The following CACYBP variants were observed in gnomAD, a reference collection of about 807,000 sequenced individuals.
CACYBP encodes the protein calcyclin-binding protein.
CACYBP carries 11 observed loss-of-function variants against 29.6 expected under a neutral mutation model. The observed-to-expected ratio is 0.37, with a 90% CI of 0.23 to 0.61. The LOEUF (loss-of-function observed/expected upper bound fraction) is 0.61, where lower values mean the gene tolerates loss of function less well. CACYBP is among the 20% of genes least tolerant of loss of function. The pLI is 0.65. For missense variants in CACYBP, 163 were observed against 260.7 expected (o/e 0.63, Z 2.58); for synonymous variants, 73 against 88.3 (o/e 0.83, Z 0.97).
At chr1:175,005,956 G>A (rs1176465754) in intron 2 of CACYBP, among the ~76,000 whole-genome samples, 3 of 152,232 alleles carry the variant, frequency 2.0e-5, no homozygotes, top group African/African-American at 7.2e-5. Context: ...GTTTGATATA[G>A]GCATGCAATG....
intron 1 of CACYBP, 163 bp downstream of exon 1, chr1:175,000,358 G>A: frequency 7.0e-7 from 1 of 1,429,714 alleles, no homozygotes. Flanking sequence ...GCCCCTTGCT[G>A]CGCCGTCGGC....
Position 175,000,017 on chromosome 1 carries a change from CG to C in CACYBP, c.-161del. Reference sequence around the variant, plus strand: ...GCGAAGGTTCGAGATCCGTCGCGTGCGGGAGGCGGGCCGCGATCTTGCGCAG... The same window carrying C: ...GCGAAGGTTCGAGATCCGTCGCGTGCGGAGGCGGGCCGCGATCTTGCGCAG... On this transcript the variant is annotated 5_prime_UTR_variant, in exon 1 of 6. Coordinates refer to ENST00000367679, the MANE Select transcript of CACYBP (RefSeq NM_014412.3). 4 of 995,954 alleles carry C rather than the reference CG, an allele frequency of 4.0e-6. No homozygotes were observed. Among genetic ancestry groups the C allele is most frequent in the Non-Finnish European group, 6.0e-6 (4 of 662,554 alleles). 61.7% of individuals were successfully genotyped at this position (995,954 alleles called of 1,614,324 possible).
chr1:175,006,717 AC>A, intron 2 of CACYBP, 27 bp from the exon 3 acceptor site: 1 of 1,164,770 alleles, frequency 8.6e-7, no homozygotes, highest in Middle Eastern at 2.8e-4. Context: ...AGGCTTACTT[AC>A]GTCCCATCTT....
chr1:175,006,903 ACT>A lies in CACYBP; in HGVS notation c.332+67_332+68del. ...ACAGTCAACATTGCCTTATCTTGAG[ACT>A]CTCTTCTTTGCAGTTTTTAAAATTC... is the stretch of plus-strand genomic sequence containing the variant. On this transcript the variant is annotated intron_variant, in intron 3 of 5. Coordinates refer to ENST00000367679, the MANE Select transcript of CACYBP (RefSeq NM_014412.3). 3 of 974,304 alleles carry A rather than the reference ACT, an allele frequency of 3.1e-6. No individual in the cohort carries two copies. The South Asian group carries it at 4.1e-5, about 13-fold the overall frequency. The allele number at this position is 974,304 out of a possible 1,614,324, so 60.4% of individuals were successfully genotyped here.
chr1:175,008,533 A>G (rs1672672011), intron 4 of CACYBP, 76 bp from the exon 5 acceptor site: 1 of 776,720 alleles, frequency 1.3e-6, no homozygotes, highest in South Asian at 1.5e-5. Context: ...TCAATTGAAT[A>G]GATAATTGTT....
chr1:175,006,691 C>G, intron 2 of CACYBP, 54 bp from the exon 3 acceptor site: 3 of 884,720 alleles, frequency 3.4e-6, no homozygotes, highest in Admixed American at 1.8e-5. Context: ...ATTTGCTGTT[C>G]TAAAGATAGT....
At chr1:175,000,542 A>T (rs2149409299) in intron 1 of CACYBP, 1 of 1,205,744 alleles carries the variant, frequency 8.3e-7, no homozygotes, top group South Asian at 2.0e-5. Context: ...AGGAAGCTTC[A>T]TTCAAGCAAA....
chr1:175,001,503 C>T (rs888550753), intron 1 of CACYBP, among the ~76,000 whole-genome samples: 2 of 152,222 alleles, frequency 1.3e-5, no homozygotes, highest in African/African-American at 4.8e-5. Context: ...CCTCCCTCAG[C>T]CCCTGACAAC....
intron 1 of CACYBP, among the ~76,000 whole-genome samples, chr1:175,001,776 C>T (rs770887971): frequency 9.2e-5 from 14 of 152,208 alleles, no homozygotes; most frequent in Admixed American, 2.6e-4. Flanking sequence ...GAGTCTCGCT[C>T]TGTCGCCCAG....
At chr1:175,002,659 A>T (rs1232601738) in intron 1 of CACYBP, among the ~76,000 whole-genome samples, 2 of 152,248 alleles carry the variant, frequency 1.3e-5, no homozygotes, top group Non-Finnish European at 2.9e-5. Flanking sequence ...CAGAAAAAGC[A>T]TCAAAGGAAT....
At chr1:175,006,167 C>T (rs555581325) in intron 2 of CACYBP, among the ~76,000 whole-genome samples, 4 of 152,198 alleles carry the variant, frequency 2.6e-5, no homozygotes, top group South Asian at 2.1e-4. Flanking sequence ...AGGTCAGAGA[C>T]GTGCTGGTAG....
Position 175,011,478 on chromosome 1 carries a change from G to A in CACYBP, c.*1399G>A, listed in dbSNP as rs1223428398. ...ATACTAGAAGAAAATGGAGGAAAAC[G>A]ACATTATATGTGACTTAAAACCTAG... On this transcript the variant is annotated 3_prime_UTR_variant, in exon 6 of 6. Coordinates refer to ENST00000367679, the MANE Select transcript of CACYBP (RefSeq NM_014412.3). The A allele has an allele frequency of 6.6e-6, 1 of 152,020 alleles. No individual in the cohort carries two copies. Among genetic ancestry groups the A allele is most frequent in the African/African-American group, 2.4e-5 (1 of 41,394 alleles). 9.4% of individuals were successfully genotyped at this position (152,020 alleles called of 1,614,324 possible).
In CACYBP at chr1:175,006,733, T is replaced by C. The variant is rs746113040; in HGVS notation, c.236-12T>C. 7 of 1,465,478 alleles carry C rather than the reference T, an allele frequency of 4.8e-6. No individual in the cohort carries two copies. In the Admixed American group the frequency reaches 8.4e-5, roughly 18 times the overall value. 90.8% of individuals were successfully genotyped at this position (1,465,478 alleles called of 1,614,324 possible). A position where few individuals can be genotyped will look rare whatever the true frequency, so the allele number is the denominator to read the frequency against. Reference sequence around the variant, plus strand: ...GGCTTACTTACGTCCCATCTTTTGTTGTCGTTGCCAGGATGGGATCAGTCA... The same window carrying C: ...GGCTTACTTACGTCCCATCTTTTGTCGTCGTTGCCAGGATGGGATCAGTCA... On this transcript the variant is annotated splice_polypyrimidine_tract_variant and intron_variant, in intron 2 of 5. Coordinates refer to ENST00000367679, the MANE Select transcript of CACYBP (RefSeq NM_014412.3).
chr1:175,000,514 GTTTCCCAGCCAGTGGACAGGAAGC>G, intron 1 of CACYBP: 2 of 1,273,266 alleles, frequency 1.6e-6, no homozygotes, highest in Non-Finnish European at 2.0e-6. Flanking sequence ...TTCTGCCCTG[GTTTCCCAGCCAGTGGACAGGAAGC>G]TTCATTCAAG....
intron 4 of CACYBP, among the ~76,000 whole-genome samples, chr1:175,008,189 A>T (rs556783152): frequency 3.3e-5 from 5 of 151,882 alleles, no homozygotes; most frequent in African/African-American, 1.2e-4. Flanking sequence ...TTATTATATT[A>T]CTGTCTTTTT....
At chr1:174,999,620 G>A (rs903418073), upstream of CACYBP, 3 of 203,806 alleles carry the variant, frequency 1.5e-5, no homozygotes, top group Non-Finnish European at 3.0e-5. Context: ...GGCCTGGTGT[G>A]TCTGGTGTCC....
chr1:175,004,975 CTTT>C (rs1379264841), intron 2 of CACYBP, 142 bp downstream of exon 2: 3 of 701,868 alleles, frequency 4.3e-6, no homozygotes, highest in Non-Finnish European at 7.8e-6. Flanking sequence ...TTTAATAAAA[CTTT>C]TTTAAGATAT....
At chr1:175,008,993 A>C in intron 5 of CACYBP, 1 of 265,042 alleles carries the variant, frequency 3.8e-6, no homozygotes. Flanking sequence ...GTATGTTTTA[A>C]ATTTCTCAGA....
intron 2 of CACYBP, chr1:175,005,100 TTTGGTGGTGGTG>T: frequency 2.3e-6 from 1 of 432,326 alleles, no homozygotes; most frequent in Non-Finnish European, 4.3e-6. Context: ...AAGACACAGC[TTTGGTGGTGGTG>T]GTGGTGGTGG....
Sources: allele counts gnomAD v4.1 joint callset (sites outside exome capture counted in the v4.1 genomes callset), GRCh38; gene constraint gnomAD v4.1.1; transcripts MANE v1.5; gene names NCBI Gene and HGNC (gene_info 2026-07-23, HGNC 2026-07-21).